The following TMEM196 variants were observed in gnomAD, a reference collection of about 807,000 sequenced individuals.
TMEM196 encodes transmembrane protein 196.
In TMEM196, 17 loss-of-function variants were observed where a neutral mutation model predicts 20.0. The observed-to-expected ratio is 0.85, with a 90% CI of 0.58 to 1.27. The LOEUF is 1.27. Among genes scored for constraint, TMEM196 ranks in the 50% most tolerant of loss-of-function variants. The pLI is 0.00. For synonymous variants in TMEM196, 113 were observed against 88.9 expected, an observed-to-expected ratio of 1.27 and a Z score of -1.52; for missense variants, 267 against 223.0, an observed-to-expected ratio of 1.20 and a Z score of -1.26.
rs143671330 is a variant in TMEM196 at position 19,721,324 on chromosome 7, A to G, written c.*804T>C. On this transcript the variant is annotated 3_prime_UTR_variant, in exon 5 of 5. Coordinates refer to ENST00000405844, the MANE Select transcript of TMEM196 (RefSeq NM_001363562.2). ...GTATGCTATAATATATGCTGTATAC[A>G]TGTTCTATATTTACAGTATGTATAC... 237 of 152,062 alleles carry G rather than the reference A, an allele frequency of 1.6e-3. 1 individual carries two copies. The highest frequency in any genetic ancestry group is 5.6e-3 in the African/African-American group (233 of 41,554). 9.4% of individuals were successfully genotyped at this position (152,062 alleles called of 1,614,324 possible).
At chr7:19,766,038 C>T (rs576227128) in intron 1 of TMEM196, among the ~76,000 whole-genome samples, 2 of 152,190 alleles carry the variant, frequency 1.3e-5, no homozygotes, top group African/African-American at 4.8e-5. Flanking sequence ...CTATGCCAGG[C>T]CCAGAACTAG....
intron 2 of TMEM196, among the ~76,000 whole-genome samples, chr7:19,728,691 A>T (rs1386280051): frequency 6.6e-6 from 1 of 152,154 alleles, no homozygotes; most frequent in African/African-American, 2.4e-5. Context: ...TACTTGGTAA[A>T]ATAAACCACA....
chr7:19,769,824 A>T (rs1485724646), intron 1 of TMEM196, among the ~76,000 whole-genome samples: 2 of 152,218 alleles, frequency 1.3e-5, no homozygotes, highest in African/African-American at 4.8e-5. Flanking sequence ...ATATTGGAAG[A>T]TGTGCCTAGG....
chr7:19,737,440 T>C (rs756969858), intron 1 of TMEM196, among the ~76,000 whole-genome samples: 3 of 152,010 alleles, frequency 2.0e-5, no homozygotes, highest in Non-Finnish European at 4.4e-5. Context: ...TCTTCCCATG[T>C]GGCCCAACAA....
intron 1 of TMEM196, among the ~76,000 whole-genome samples, chr7:19,730,657 TA>T (rs1466541275): frequency 6.6e-6 from 1 of 152,216 alleles, no homozygotes; most frequent in Non-Finnish European, 1.5e-5. Context: ...GACACCTGGA[TA>T]GATTTATTTC....
At chr7:19,767,417 AAGAAAGAG>A (rs1785679522) in intron 1 of TMEM196, among the ~76,000 whole-genome samples, 1 of 152,086 alleles carries the variant, frequency 6.6e-6, no homozygotes, top group South Asian at 2.1e-4. Flanking sequence ...TTAATCATAT[AAGAAAGAG>A]ATTCTTTACC....
chr7:19,723,311 A>G (rs1783875289), intron 4 of TMEM196, among the ~76,000 whole-genome samples: 1 of 151,826 alleles, frequency 6.6e-6, no homozygotes, highest in Non-Finnish European at 1.5e-5. Flanking sequence ...TTCCTGTTTT[A>G]CCTACTAGGA....
At chr7:19,758,209 G>T (rs890116669) in intron 1 of TMEM196, among the ~76,000 whole-genome samples, 2 of 152,042 alleles carry the variant, frequency 1.3e-5, no homozygotes, top group East Asian at 1.9e-4. Flanking sequence ...AATAGCTCTT[G>T]TTGGTTTGGA....
rs1039415952 is a variant in TMEM196 at position 19,772,741 on chromosome 7, C to T, written c.-45G>A. 3 of 1,430,856 alleles carry T rather than the reference C, an allele frequency of 2.1e-6. No individual in the cohort carries two copies. The highest frequency in any genetic ancestry group is 2.8e-6 in the Non-Finnish European group (3 of 1,077,618). 88.6% of individuals were successfully genotyped at this position (1,430,856 alleles called of 1,614,324 possible). A position where few individuals can be genotyped will look rare whatever the true frequency, so the allele number is the denominator to read the frequency against. ...TTCCAGATCAGAGAGGGAAATCAAC[C>T]ATCTACCTTTTTTTCTTCCACTATC... On this transcript the variant is annotated 5_prime_UTR_variant, in exon 1 of 5. The change abolishes an upstream ATG in the 5' untranslated region. Coordinates refer to ENST00000405844, the MANE Select transcript of TMEM196 (RefSeq NM_001363562.2).
chr7:19,760,928 G>A (rs1296004549), intron 1 of TMEM196, among the ~76,000 whole-genome samples: 1 of 152,146 alleles, frequency 6.6e-6, no homozygotes, highest in Non-Finnish European at 1.5e-5. Context: ...CTGGAGTCCC[G>A]CAGAGCTTTC....
At chr7:19,767,161 A>G (rs1478323304) in intron 1 of TMEM196, among the ~76,000 whole-genome samples, 1 of 152,138 alleles carries the variant, frequency 6.6e-6, no homozygotes, top group African/African-American at 2.4e-5. Flanking sequence ...TTACATGTGA[A>G]CAGAATCTAG....
intron 4 of TMEM196, 100 bp downstream of exon 4, chr7:19,724,180 C>A: frequency 1.9e-6 from 2 of 1,034,420 alleles, no homozygotes; most frequent in Non-Finnish European, 2.9e-6. Context: ...CATTAAACAA[C>A]ATCAGTTCAG....
chr7:19,735,142 A>G (rs1784351165), intron 1 of TMEM196, among the ~76,000 whole-genome samples: 1 of 152,180 alleles, frequency 6.6e-6, no homozygotes, highest in South Asian at 2.1e-4. Flanking sequence ...TTGATTAAAA[A>G]GTCAAACTTT....
At chr7:19,770,936 T>C (rs10270468) in intron 1 of TMEM196, among the ~76,000 whole-genome samples, 24,143 of 151,580 alleles carry the variant, frequency 0.16, 2,415 homozygotes, top group East Asian at 0.45. Context: ...ATTGACTCAA[T>C]TTGTTGAATT....
At chr7:19,767,920 G>A (rs913675968) in intron 1 of TMEM196, among the ~76,000 whole-genome samples, 4 of 151,752 alleles carry the variant, frequency 2.6e-5, no homozygotes, top group African/African-American at 7.3e-5. Flanking sequence ...ATACTTTGGA[G>A]CAGCTATGAT....
At chr7:19,736,119 A>G (rs911323111) in intron 1 of TMEM196, among the ~76,000 whole-genome samples, 1 of 151,880 alleles carries the variant, frequency 6.6e-6, no homozygotes, top group South Asian at 2.1e-4. Flanking sequence ...TAGTTCTTGA[A>G]TAGTTTTACT....
chr7:19,736,656 C>T (rs1052986955), intron 1 of TMEM196, among the ~76,000 whole-genome samples: 12 of 151,542 alleles, frequency 7.9e-5, no homozygotes, highest in African/African-American at 2.9e-4. Flanking sequence ...ACCAATAGAC[C>T]TATTCATTTT....
At chr7:19,757,876 T>C (rs1785279174) in intron 1 of TMEM196, among the ~76,000 whole-genome samples, 1 of 151,900 alleles carries the variant, frequency 6.6e-6, no homozygotes, top group African/African-American at 2.4e-5. Context: ...ATAAAAGCAT[T>C]AAAAAGGTTA....
At chr7:19,757,250 T>G (rs1282687098) in intron 1 of TMEM196, among the ~76,000 whole-genome samples, 1 of 149,294 alleles carries the variant, frequency 6.7e-6, no homozygotes, top group African/African-American at 2.5e-5. Context: ...CTTGGCTCAC[T>G]GCAACCTCCG....
Sources: allele counts gnomAD v4.1 joint callset (sites outside exome capture counted in the v4.1 genomes callset), GRCh38; gene constraint gnomAD v4.1.1; transcripts MANE v1.5; gene names NCBI Gene and HGNC (gene_info 2026-07-23, HGNC 2026-07-21).